The following PCDH17 variants were observed in gnomAD, a reference collection of about 807,000 sequenced individuals.
PCDH17 encodes the protein protocadherin 17, also known as protocadherin-17.
A neutral mutation model predicts 67.7 loss-of-function variants in PCDH17; 21 were observed. The observed-to-expected ratio is 0.31, with a 90% CI of 0.22 to 0.45. PCDH17 has a LOEUF of 0.45. PCDH17 is among the 20% of genes least tolerant of loss of function. The pLI is 1.00. For synonymous variants in PCDH17, 701 were observed against 656.7 expected, an observed-to-expected ratio of 1.07 and a Z score of -1.03; for missense variants, 1,471 against 1,564.8, an observed-to-expected ratio of 0.94 and a Z score of 1.01.
Position 57,633,669 on chromosome 13 carries a change from C to A in PCDH17, c.1123C>A (p.Arg375=), listed in dbSNP as rs1954766852. 1 of 1,604,818 alleles carries A rather than the reference C, an allele frequency of 6.2e-7. No homozygotes were observed. The highest frequency in any genetic ancestry group is 1.1e-5 in the South Asian group (1 of 90,992). ...APPGTVIALV[R]VTDRDSGKNG... ...TCCCGGCACCGTCATCGCCCTGGTG[C>A]GGGTCACTGACCGGGACTCTGGCAA... Residue 375 remains arginine (R), a synonymous_variant, in exon 1 of 4, where the codon CGG becomes AGG. Transcript: ENST00000377918. The surrounding 1 kb of genome is among the most constrained non-coding windows in gnomAD (Gnocchi z 6.2).
rs527756163 is a variant in PCDH17 at position 57,728,707 on chromosome 13, G to A, written c.*3413G>A. The A allele has an allele frequency of 5.9e-5, 9 of 151,962 alleles. No homozygotes were observed. Among genetic ancestry groups the A allele is most frequent in the South Asian group, 2.1e-4 (1 of 4,814 alleles). The allele number at this position is 151,962 out of a possible 1,614,324, so 9.4% of individuals were successfully genotyped here. On this transcript the variant is annotated 3_prime_UTR_variant, in exon 4 of 4. Transcript: ENST00000377918. ...TTATTGCAGGCAATATACAAAGATT[G>A]GCTCACTACTCCATAGGTTAATTGA... is the stretch of plus-strand genomic sequence containing the variant.
upstream of PCDH17, among the ~76,000 whole-genome samples, chr13:57,630,187 C>A (rs1239512419): frequency 6.6e-6 from 1 of 152,162 alleles, no homozygotes; most frequent in Non-Finnish European, 1.5e-5. Flanking sequence ...GCTGGGGAGA[C>A]GCTACTCCAA....
chr13:57,659,664 G>A lies in PCDH17; in HGVS notation c.2566-6804G>A, dbSNP rs899220850. On this transcript the variant is annotated intron_variant, in intron 1 of 3. Transcript: ENST00000377918. ...TTTTGGTACATTTCAGAGGCTAACC[G>A]TTTTGTATTACATGTTTTTTAAGTT... 5.3e-5 allele frequency among the ~76,000 whole-genome samples: 8 copies of A among 151,924 alleles called. No homozygotes were observed. In the East Asian group the frequency reaches 7.8e-4, roughly 15 times the overall value.
At chr13:57,668,566 A>T (rs9527680) in intron 3 of PCDH17, among the ~76,000 whole-genome samples, 108,957 of 151,942 alleles carry the variant, frequency 0.72, 39,486 homozygotes, top group South Asian at 0.8. Context: ...TTATTTATTA[A>T]GTATGAAAAT....
At chr13:57,682,964 C>T (rs771388788) in intron 3 of PCDH17, among the ~76,000 whole-genome samples, 4 of 151,900 alleles carry the variant, frequency 2.6e-5, no homozygotes, top group South Asian at 2.1e-4. Flanking sequence ...CCTCAGGGAA[C>T]ATACAAAAAT....
rs762410249 is a variant in PCDH17 at position 57,724,787 on chromosome 13, T to C, written c.2973T>C (p.Asn991=). 6.2e-7 allele frequency: 1 copy of C among 1,614,144 alleles called. No homozygotes were observed. Among genetic ancestry groups the C allele is most frequent in the Non-Finnish European group, 8.5e-7 (1 of 1,180,024 alleles). Residue 991 remains asparagine, a synonymous_variant, in exon 4 of 4, where the codon AAT becomes AAC. Transcript: ENST00000377918. The part of the protein sequence containing the change: ...NVETETYETV[N]PTGKKTFCTF... ...AGACTGAGACTTACGAAACTGTGAA[T>C]CCCACTGGGAAAAAGACTTTTTGTA... is the stretch of plus-strand genomic sequence containing the variant.
intron 3 of PCDH17, among the ~76,000 whole-genome samples, chr13:57,718,186 T>G (rs1955839229): frequency 6.6e-6 from 1 of 152,038 alleles, no homozygotes; most frequent in African/African-American, 2.4e-5. Context: ...ATTCTCCGAT[T>G]AACATTTTTT....
intron 1 of PCDH17, among the ~76,000 whole-genome samples, chr13:57,664,095 G>T (rs1267352703): frequency 6.6e-6 from 1 of 151,858 alleles, no homozygotes; most frequent in Non-Finnish European, 1.5e-5. Flanking sequence ...TCAAGATGGG[G>T]TCTCAATACA....
At chr13:57,703,825 T>C (rs1955690905) in intron 3 of PCDH17, among the ~76,000 whole-genome samples, 1 of 152,234 alleles carries the variant, frequency 6.6e-6, no homozygotes, top group Middle Eastern at 3.4e-3. Flanking sequence ...ATGACCTTTT[T>C]AATGTAGTAA....
intron 3 of PCDH17, among the ~76,000 whole-genome samples, chr13:57,688,963 C>T (rs1955532115): frequency 6.6e-6 from 1 of 151,996 alleles, no homozygotes; most frequent in African/African-American, 2.4e-5. Flanking sequence ...TACTTGAATT[C>T]CACCAATCAT....
chr13:57,693,427 C>T (rs1955579234), intron 3 of PCDH17, among the ~76,000 whole-genome samples: 1 of 146,186 alleles, frequency 6.8e-6, no homozygotes, highest in Non-Finnish European at 1.5e-5. Flanking sequence ...TTTTACACTG[C>T]TCTTTCATAC....
At chr13:57,662,606 C>A (rs1053333577) in intron 1 of PCDH17, among the ~76,000 whole-genome samples, 2 of 152,132 alleles carry the variant, frequency 1.3e-5, no homozygotes, top group African/African-American at 4.8e-5. Context: ...TCTCAGCTAG[C>A]ATGACTCAGT....
At chr13:57,714,308 G>A (rs1334470629) in intron 3 of PCDH17, among the ~76,000 whole-genome samples, 1 of 151,682 alleles carries the variant, frequency 6.6e-6, no homozygotes, top group Non-Finnish European at 1.5e-5. Flanking sequence ...CATCCCAATA[G>A]CAATCAGACA....
intron 3 of PCDH17, among the ~76,000 whole-genome samples, chr13:57,709,960 G>A (rs939731366): frequency 1.3e-5 from 2 of 151,890 alleles, no homozygotes; most frequent in South Asian, 2.1e-4. Context: ...TAGTGTTAAC[G>A]GTTGAAACAA....
Position 57,666,669 on chromosome 13 carries a change from C to A in PCDH17, c.2633C>A (p.Thr878Lys). The A allele has an allele frequency of 6.2e-7, 1 of 1,610,868 alleles. No homozygotes were observed. The highest frequency in any genetic ancestry group is 1.1e-5 in the South Asian group (1 of 90,892). The change falls in exon 3 of 4, where the codon ACG becomes AAG. Residue 878 changes from threonine (T) to lysine (K), a missense_variant. Thr to Lys is a moderately conservative substitution (Grantham distance 78). Coordinates refer to ENST00000377918, the MANE Select transcript of PCDH17 (RefSeq NM_001040429.3). The part of the protein sequence containing the change: ...SRQQFVQSSS[T>K]FKDPERASLR... The stretch of plus-strand genomic sequence containing the variant: ...CTTTATATGTATTTCAGTAGCTCCA[C>A]GTTTAAGGACCCAGAAAGAGCCAGC...
intron 1 of PCDH17, among the ~76,000 whole-genome samples, chr13:57,641,072 G>A (rs530282227): frequency 3.3e-5 from 5 of 151,876 alleles, no homozygotes; most frequent in Non-Finnish European, 7.4e-5. Context: ...ATAGCATAAA[G>A]TTCCTTTTGC....
chr13:57,717,432 T>C (rs1364330406), intron 3 of PCDH17, among the ~76,000 whole-genome samples: 2 of 152,008 alleles, frequency 1.3e-5, no homozygotes, highest in Non-Finnish European at 2.9e-5. Flanking sequence ...GTGGTCAATA[T>C]ATACGCCAGA....
intron 3 of PCDH17, among the ~76,000 whole-genome samples, chr13:57,672,637 G>A (rs1273785862): frequency 2.0e-5 from 3 of 151,976 alleles, no homozygotes; most frequent in Non-Finnish European, 4.4e-5. Context: ...TGAGCTAGAG[G>A]TTTAAGGTGC....
intron 1 of PCDH17, among the ~76,000 whole-genome samples, chr13:57,649,602 G>C (rs1955010786): frequency 6.6e-6 from 1 of 152,092 alleles, no homozygotes; most frequent in Non-Finnish European, 1.5e-5. Context: ...TATTTTAAAT[G>C]CACTCATCTG....
Sources: gnomAD v4.1 joint callset for allele counts (sites outside exome capture counted in the v4.1 genomes callset) on GRCh38, gnomAD v4.1.1 for gene constraint, Gnocchi (gnomAD v3.1) non-coding constraint, MANE v1.5 for transcripts, NCBI Gene and HGNC (gene_info 2026-07-23, HGNC 2026-07-21) for gene names.